Variants in NRXN3 observed in about 807,000 individuals in gnomAD.
The protein encoded by NRXN3 is neurexin III.
In NRXN3, 32 loss-of-function variants were observed where a neutral mutation model predicts 137.6. The ratio of observed to expected loss-of-function variants is 0.23; its 90% confidence interval spans 0.18 to 0.31. The LOEUF (loss-of-function observed/expected upper bound fraction) is 0.31. Ranked by LOEUF, NRXN3 falls within the 10% of genes least tolerant of loss-of-function variation. NRXN3 has a pLI of 1.00. For missense variants in NRXN3, 1,574 were observed against 2,062.5 expected (o/e 0.76, Z 4.59); for synonymous variants, 798 against 784.5 (o/e 1.02, Z -0.29).
chr14:78,731,024 C>T (rs1276567997), intron 8 of NRXN3, among the ~76,000 whole-genome samples: 1 of 152,160 alleles, frequency 6.6e-6, no homozygotes, highest in East Asian at 1.9e-4. Context: ...CACTTTCTCA[C>T]CTTTCTTTCA....
chr14:79,214,039 C>T (rs2068106434), intron 15 of NRXN3, among the ~76,000 whole-genome samples: 1 of 152,038 alleles, frequency 6.6e-6, no homozygotes, highest in Non-Finnish European at 1.5e-5. Context: ...TAGTCATAAC[C>T]ACACATAGCT....
chr14:79,035,005 T>C (rs2099613802), intron 15 of NRXN3, among the ~76,000 whole-genome samples: 1 of 152,138 alleles, frequency 6.6e-6, no homozygotes, highest in Non-Finnish European at 1.5e-5. Flanking sequence ...ATCTTACATT[T>C]AAGAATTTTA....
chr14:79,759,567 A>C (rs1298622542), intron 19 of NRXN3, among the ~76,000 whole-genome samples: 4 of 151,732 alleles, frequency 2.6e-5, no homozygotes, highest in Non-Finnish European at 5.9e-5. Context: ...TTCTACTTCT[A>C]ATGACAATTG....
intron 2 of NRXN3, among the ~76,000 whole-genome samples, chr14:78,252,469 T>G (rs1048483610): frequency 6.6e-6 from 1 of 152,228 alleles, no homozygotes; most frequent in Admixed American, 6.5e-5. Context: ...AGAGCCTTAT[T>G]TAAGTACGGT....
chr14:78,535,118 T>G (rs1438856635), intron 4 of NRXN3, among the ~76,000 whole-genome samples: 1 of 151,222 alleles, frequency 6.6e-6, no homozygotes, highest in Non-Finnish European at 1.5e-5. Context: ...CCTTGAAATG[T>G]TTCTGTCTTA....
intron 4 of NRXN3, among the ~76,000 whole-genome samples, chr14:78,640,728 A>G (rs2097617737): frequency 6.6e-6 from 1 of 152,260 alleles, no homozygotes; most frequent in Non-Finnish European, 1.5e-5. Flanking sequence ...AGTTATACAT[A>G]TCTAGATTGC....
At chr14:78,622,424 TG>T (rs1400268765) in intron 4 of NRXN3, among the ~76,000 whole-genome samples, 1 of 152,190 alleles carries the variant, frequency 6.6e-6, no homozygotes, top group Non-Finnish European at 1.5e-5. Context: ...TTTGTTTGTT[TG>T]TTTGTTTTGT....
intron 15 of NRXN3, among the ~76,000 whole-genome samples, chr14:79,031,962 G>A (rs888509173): frequency 3.9e-5 from 6 of 151,908 alleles, no homozygotes; most frequent in Admixed American, 1.3e-4. Context: ...CCTCCCCTCC[G>A]ACCAAAAAAA....
chr14:79,817,167 C>T (rs2099254184), intron 20 of NRXN3, among the ~76,000 whole-genome samples: 2 of 152,158 alleles, frequency 1.3e-5, no homozygotes, highest in South Asian at 4.1e-4. Flanking sequence ...ATTCTCCTGC[C>T]TCAGCCTCCT....
At chr14:78,198,919 T>C (rs988616892) in intron 1 of NRXN3, among the ~76,000 whole-genome samples, 14 of 152,196 alleles carry the variant, frequency 9.2e-5, no homozygotes, top group Non-Finnish European at 1.9e-4. Flanking sequence ...GGCAGATTCC[T>C]GTGAGGGCCA....
At chr14:78,649,859 G>T (rs1457242953) in intron 5 of NRXN3, among the ~76,000 whole-genome samples, 1 of 151,740 alleles carries the variant, frequency 6.6e-6, no homozygotes, top group Non-Finnish European at 1.5e-5. Context: ...CTCCCCTACC[G>T]TGGCCAAAAG....
Position 78,968,323 on chromosome 14 carries a change from G to C in NRXN3, c.3119G>C (p.Gly1040Ala). The C allele has an allele frequency of 6.2e-7, 1 of 1,613,894 alleles. No homozygotes were observed. The highest frequency in any genetic ancestry group is 2.2e-5 in the East Asian group (1 of 44,864). ...ATCAATGATGCTCTTCATCGGAGCG[G>C]ACAGATCGAGCGTGGCTGTGAAGGT... ...DLINDALHRS[G>A]QIERGCEGPS... Residue 1040 changes from glycine (G) to alanine (A), a missense_variant, in exon 14 of 21, where the codon GGA becomes GCA. This residue lies in a region of NRXN3 where 718 missense variants were observed against 887.6 expected (regional missense o/e 0.81). Transcript: ENST00000335750.
At chr14:78,984,100 T>C (rs1006963100) in intron 14 of NRXN3, among the ~76,000 whole-genome samples, 1 of 152,058 alleles carries the variant, frequency 6.6e-6, no homozygotes, top group Admixed American at 6.6e-5. Context: ...TGTTGATCAA[T>C]GGGTACAAAG....
intron 15 of NRXN3, among the ~76,000 whole-genome samples, chr14:79,114,913 T>C (rs1393714893): frequency 2.6e-5 from 4 of 152,160 alleles, no homozygotes; most frequent in African/African-American, 9.7e-5. Context: ...CTCACACGTC[T>C]CTGGAAATGA....
chr14:79,325,197 T>A (rs559224992), intron 15 of NRXN3, among the ~76,000 whole-genome samples: 1 of 152,326 alleles, frequency 6.6e-6, no homozygotes, highest in Admixed American at 6.5e-5. Context: ...CTTTAACATA[T>A]GGCATTTGCT....
At chr14:78,535,003 G>T (rs1234801737) in intron 4 of NRXN3, among the ~76,000 whole-genome samples, 3 of 152,108 alleles carry the variant, frequency 2.0e-5, no homozygotes, top group Admixed American at 6.5e-5. Flanking sequence ...AGACCTGATT[G>T]TTCCTTTGTT....
chr14:78,566,623 C>G (rs1406294962), intron 4 of NRXN3, among the ~76,000 whole-genome samples: 2 of 152,174 alleles, frequency 1.3e-5, no homozygotes, highest in Non-Finnish European at 2.9e-5. Flanking sequence ...GCAGCGAGCT[C>G]TGCGTGCTTG....
chr14:78,971,189 T>C (rs1014709135), intron 14 of NRXN3, among the ~76,000 whole-genome samples: 1 of 152,010 alleles, frequency 6.6e-6, no homozygotes, highest in Non-Finnish European at 1.5e-5. Flanking sequence ...CTGGAGACAC[T>C]GCAAAAAGGC....
chr14:78,187,371 C>T (rs774885575), intron 1 of NRXN3, among the ~76,000 whole-genome samples: 14 of 151,860 alleles, frequency 9.2e-5, no homozygotes, highest in Non-Finnish European at 1.3e-4. Flanking sequence ...AGGTAACTCC[C>T]TGCTTTTTGT....
Sources: gnomAD v4.1 joint callset for allele counts (sites outside exome capture counted in the v4.1 genomes callset) on GRCh38, gnomAD v4.1.1 for gene constraint, gnomAD v4.1.1 regional missense constraint, MANE v1.5 for transcripts, NCBI Gene and HGNC (gene_info 2026-07-23, HGNC 2026-07-21) for gene names.